CCSER1: variants seen among roughly 807,000 people sequenced by gnomAD.
CCSER1 encodes the protein coiled-coil serine rich protein 1.
Under a neutral mutation model 82.0 loss-of-function variants are expected in CCSER1, and 41 were observed. The observed-to-expected ratio is 0.50, with a 90% CI of 0.39 to 0.65. The LOEUF (loss-of-function observed/expected upper bound fraction) is 0.65, where lower values mean the gene tolerates loss of function less well. Ranked by LOEUF, CCSER1 falls within the 30% of genes least tolerant of loss-of-function variation. The pLI is 0.00. For missense variants in CCSER1, 1,119 were observed against 1,064.2 expected (o/e 1.05, Z -0.72); for synonymous variants, 414 against 383.9 (o/e 1.08, Z -0.92).
chr4:91,034,567 T>C (rs1741270874), intron 9 of CCSER1, among the ~76,000 whole-genome samples: 1 of 152,098 alleles, frequency 6.6e-6, no homozygotes, highest in Admixed American at 6.6e-5. Flanking sequence ...AAGCACTTTT[T>C]ACTATTTATT....
intron 9 of CCSER1, among the ~76,000 whole-genome samples, chr4:90,932,385 A>G (rs947788220): frequency 6.6e-6 from 1 of 152,182 alleles, no homozygotes; most frequent in Non-Finnish European, 1.5e-5. Context: ...TCTAATATAG[A>G]GTAACTTTCT....
At chr4:91,346,697 A>G (rs569468489) in intron 10 of CCSER1, among the ~76,000 whole-genome samples, 1 of 152,268 alleles carries the variant, frequency 6.6e-6, no homozygotes, top group African/African-American at 2.4e-5. Context: ...TTAAAGTGGT[A>G]TCTGTTTGTT....
At chr4:90,853,030 A>G (rs565153166) in intron 8 of CCSER1, among the ~76,000 whole-genome samples, 1 of 152,274 alleles carries the variant, frequency 6.6e-6, no homozygotes, top group South Asian at 2.1e-4. Context: ...GGAGCGAGAG[A>G]TAAAGTACGG....
At chr4:91,255,389 G>T (rs930977027) in intron 10 of CCSER1, among the ~76,000 whole-genome samples, 1 of 151,884 alleles carries the variant, frequency 6.6e-6, no homozygotes, top group Admixed American at 6.6e-5. Flanking sequence ...TTATTATTGA[G>T]GGAATGTCAC....
intron 10 of CCSER1, among the ~76,000 whole-genome samples, chr4:91,196,522 T>C (rs1372556654): frequency 1.3e-5 from 2 of 152,120 alleles, no homozygotes; most frequent in African/African-American, 4.8e-5. Context: ...AATTAAATTC[T>C]GTAAAGAAAA....
At chr4:90,420,552 T>A (rs1016517431) in intron 4 of CCSER1, among the ~76,000 whole-genome samples, 2 of 151,324 alleles carry the variant, frequency 1.3e-5, no homozygotes, top group East Asian at 3.9e-4. Flanking sequence ...ATTTCCTGAT[T>A]TAAAAGTGCT....
chr4:91,198,207 A>G (rs781281882), intron 10 of CCSER1, among the ~76,000 whole-genome samples: 40 of 152,152 alleles, frequency 2.6e-4, no homozygotes, highest in Admixed American at 2.0e-3. Flanking sequence ...GAGACAGTGA[A>G]AAGAAAAAGA....
chr4:90,330,566 C>T lies in CCSER1; in HGVS notation c.1509+17519C>T, dbSNP rs568885524. ...TGCTAAAGCTTTAACTTGACCCAGC[C>T]GTCCACTGGAAGTTGCTATAGCTGA... On this transcript the variant is annotated intron_variant, in intron 3 of 10. Coordinates refer to ENST00000509176, the MANE Select transcript of CCSER1 (RefSeq NM_001145065.2). Among the ~76,000 whole-genome samples, 7 of 152,104 alleles carry T rather than the reference C, an allele frequency of 4.6e-5. No individual in the cohort carries two copies. In the South Asian group the frequency reaches 1.5e-3, roughly 32 times the overall value.
chr4:91,291,641 T>C (rs977348368), intron 10 of CCSER1, among the ~76,000 whole-genome samples: 1 of 151,902 alleles, frequency 6.6e-6, no homozygotes, highest in Admixed American at 6.6e-5. Context: ...TCGCTTGCTA[T>C]CACGAGAACA....
At chr4:90,262,350 G>A (rs1041629292) in intron 1 of CCSER1, among the ~76,000 whole-genome samples, 2 of 152,052 alleles carry the variant, frequency 1.3e-5, no homozygotes, top group East Asian at 1.9e-4. Flanking sequence ...GTATGAGTTC[G>A]TTTGTTACAG....
intron 10 of CCSER1, among the ~76,000 whole-genome samples, chr4:91,563,917 C>T (rs539604966): frequency 1.3e-5 from 2 of 151,676 alleles, no homozygotes; most frequent in African/African-American, 2.4e-5. Context: ...TTTGGTGATA[C>T]ATATGAAGGT....
chr4:91,045,705 C>T (rs1470709710), intron 9 of CCSER1, among the ~76,000 whole-genome samples: 1 of 151,964 alleles, frequency 6.6e-6, no homozygotes, highest in African/African-American at 2.4e-5. Context: ...TATAAAGTAG[C>T]TTTTAATATA....
At chr4:90,534,865 G>C (rs1489694007) in intron 5 of CCSER1, among the ~76,000 whole-genome samples, 1 of 152,010 alleles carries the variant, frequency 6.6e-6, no homozygotes, top group African/African-American at 2.4e-5. Flanking sequence ...TGCATTTAAG[G>C]GTGCTCTAAT....
intron 6 of CCSER1, among the ~76,000 whole-genome samples, chr4:90,690,731 C>T (rs950057984): frequency 2.0e-5 from 3 of 151,974 alleles, no homozygotes; most frequent in Admixed American, 6.6e-5. Flanking sequence ...CACCTTATTG[C>T]CTCCTTAATT....
At chr4:90,232,676 G>A (rs1241341463) in intron 1 of CCSER1, among the ~76,000 whole-genome samples, 2 of 141,240 alleles carry the variant, frequency 1.4e-5, no homozygotes, top group African/African-American at 5.5e-5. Flanking sequence ...TACCATCAGA[G>A]TGAACAGGCA....
intron 1 of CCSER1, among the ~76,000 whole-genome samples, chr4:90,229,418 G>A (rs1743963081): frequency 6.6e-6 from 1 of 152,094 alleles, no homozygotes; most frequent in African/African-American, 2.4e-5. Context: ...ACAAGCAAAT[G>A]CTGAGAGATT....
chr4:90,705,178 T>G (rs1739073791), intron 6 of CCSER1, among the ~76,000 whole-genome samples: 1 of 152,184 alleles, frequency 6.6e-6, no homozygotes, highest in African/African-American at 2.4e-5. Context: ...TGTTTGTTAG[T>G]TTTCCTTCTA....
At chr4:90,519,830 C>T (rs1772846723) in intron 5 of CCSER1, among the ~76,000 whole-genome samples, 1 of 151,998 alleles carries the variant, frequency 6.6e-6, no homozygotes, top group African/African-American at 2.4e-5. Flanking sequence ...TATCTCAGAA[C>T]ATCTCTGTTC....
At chr4:91,472,431 A>G (rs1335520137) in intron 10 of CCSER1, among the ~76,000 whole-genome samples, 8 of 152,172 alleles carry the variant, frequency 5.3e-5, no homozygotes, top group Non-Finnish European at 7.4e-5. Context: ...CATCGTATCA[A>G]TCAATAGTAA....
Sources: allele counts gnomAD v4.1 joint callset (sites outside exome capture counted in the v4.1 genomes callset), GRCh38; gene constraint gnomAD v4.1.1; transcripts MANE v1.5; gene names NCBI Gene and HGNC (gene_info 2026-07-23, HGNC 2026-07-21).